Variants in ACACB observed in about 807,000 individuals in gnomAD.
The protein encoded by ACACB is acetyl-CoA carboxylase beta.
ACACB carries 209 observed loss-of-function variants against 278.8 expected under a neutral mutation model. That is an observed-to-expected ratio of 0.75 (90% CI 0.67 to 0.84). ACACB has a LOEUF of 0.84. Ranked by LOEUF, ACACB falls within the 40% of genes least tolerant of loss-of-function variation. The pLI, the probability that ACACB is intolerant of heterozygous loss-of-function variation, is 0.00. For missense variants in ACACB, 2,850 were observed against 3,269.0 expected, an observed-to-expected ratio of 0.87 and a Z score of 3.13; for synonymous variants, 1,174 against 1,285.6, an observed-to-expected ratio of 0.91 and a Z score of 1.86.
chr12:109,135,589 G>C (rs1465067083), intron 1 of ACACB, among the ~76,000 whole-genome samples: 2 of 151,774 alleles, frequency 1.3e-5, no homozygotes, highest in Non-Finnish European at 2.9e-5. Context: ...TCCAATGCTT[G>C]TGGTGTCATA....
chr12:109,199,377 C>T (rs760466069), intron 17 of ACACB, 25 bp from the exon 18 acceptor site: 7 of 1,453,698 alleles, frequency 4.8e-6, no homozygotes. Flanking sequence ...ATCAGTCTCC[C>T]TACCCGACTC....
chr12:109,241,741 G>C (rs556687814), intron 36 of ACACB: 10 of 177,914 alleles, frequency 5.6e-5, no homozygotes, highest in African/African-American at 1.6e-4. Flanking sequence ...TCCCAACCAT[G>C]TTCTAGGACA....
intron 6 of ACACB, 64 bp downstream of exon 6, chr12:109,172,420 G>A: frequency 1.3e-6 from 2 of 1,489,914 alleles, no homozygotes; most frequent in Non-Finnish European, 1.9e-6. Flanking sequence ...TGCTGGGTCT[G>A]ACCCTCTTTC....
intron 27 of ACACB, among the ~76,000 whole-genome samples, chr12:109,225,525 G>T (rs1055820347): frequency 4.6e-5 from 7 of 152,230 alleles, no homozygotes; most frequent in Non-Finnish European, 8.8e-5. Context: ...GTGCCACCAT[G>T]CCTGACCCCA....
At chr12:109,168,093 C>T (rs34285) in intron 4 of ACACB, 59 bp downstream of exon 4, 1,186,862 of 1,545,418 alleles carry the variant, frequency 0.77, 465,452 homozygotes, top group Non-Finnish European at 0.8. Flanking sequence ...CCCTCGCCTC[C>T]TTCCCCTGTG....
At chr12:109,160,058 C>G (rs957978000) in intron 2 of ACACB, among the ~76,000 whole-genome samples, 2 of 151,026 alleles carry the variant, frequency 1.3e-5, no homozygotes, top group African/African-American at 4.9e-5. Flanking sequence ...CCACTTCACT[C>G]CAGCCTGGGT....
intron 16 of ACACB, among the ~76,000 whole-genome samples, chr12:109,194,610 CTGTGTGTGTGTGTGTGTGTG>C (rs144545047): frequency 2.1e-5 from 2 of 95,318 alleles, no homozygotes; most frequent in Non-Finnish European, 5.1e-5. Flanking sequence ...GCCTCTGCCT[CTGTGTGTGTGTGTGTGTGTG>C]TGTGTGTGTG....
intron 1 of ACACB, among the ~76,000 whole-genome samples, chr12:109,133,631 C>T (rs1171486551): frequency 6.6e-6 from 1 of 151,846 alleles, no homozygotes; most frequent in Non-Finnish European, 1.5e-5. Flanking sequence ...TCTTATATCT[C>T]ACAATTTCAA....
chr12:109,132,217 T>A (rs1593371095), intron 1 of ACACB, among the ~76,000 whole-genome samples: 1 of 151,686 alleles, frequency 6.6e-6, no homozygotes, highest in African/African-American at 2.4e-5. Context: ...CAGGCTGGAG[T>A]GCAGTGGTAT....
chr12:109,228,411 C>T (rs2046377928), intron 28 of ACACB, among the ~76,000 whole-genome samples: 1 of 151,342 alleles, frequency 6.6e-6, no homozygotes, highest in East Asian at 2.0e-4. Flanking sequence ...CCTAGCACTT[C>T]GGAGGGCTGA....
At chr12:109,204,512 T>G (rs11065821) in intron 19 of ACACB, among the ~76,000 whole-genome samples, 2 of 151,284 alleles carry the variant, frequency 1.3e-5, no homozygotes, top group Non-Finnish European at 2.9e-5. Flanking sequence ...TGACCTCAGG[T>G]GATCCGCCCA....
At chr12:109,205,605 A>G (rs1463651122) in intron 19 of ACACB, among the ~76,000 whole-genome samples, 2 of 151,918 alleles carry the variant, frequency 1.3e-5, no homozygotes, top group Admixed American at 6.6e-5. Context: ...ACGCGCCACC[A>G]TGACTGGCTA....
At chr12:109,266,171 C>A in intron 52 of ACACB, 65 bp from the exon 53 acceptor site, 3 of 1,564,312 alleles carry the variant, frequency 1.9e-6, no homozygotes, top group Middle Eastern at 1.7e-4. Context: ...AAGGACTCTG[C>A]CACCCTTGGG....
intron 1 of ACACB, among the ~76,000 whole-genome samples, chr12:109,136,775 A>G (rs1293880896): frequency 6.6e-6 from 1 of 152,202 alleles, no homozygotes; most frequent in Non-Finnish European, 1.5e-5. Context: ...TTCTACATAT[A>G]GGACCATGTA....
intron 2 of ACACB, among the ~76,000 whole-genome samples, chr12:109,144,473 C>T (rs2043189588): frequency 6.6e-6 from 1 of 152,078 alleles, no homozygotes; most frequent in Admixed American, 6.6e-5. Flanking sequence ...ATACCTCTTC[C>T]CTGGTGTTCA....
At position 109,261,732 on chromosome 12, in the gene ACACB, A is replaced by G. The variant is rs149426535; in HGVS notation, c.6675-625A>G. Among the ~76,000 whole-genome samples, 345 of 152,030 alleles carry G rather than the reference A, an allele frequency of 2.3e-3. 4 individuals are homozygous for G. Among genetic ancestry groups the G allele is most frequent in the Admixed American group, 0.016 (242 of 15,276 alleles). On this transcript the variant is annotated intron_variant, in intron 48 of 52. Transcript: ENST00000338432. ...CTAAAAATACAAAAATTAGCTGGGCATGGTGGTACACGCCTGTAATCCAAG... is the reference window on the plus strand; with the variant it reads ...CTAAAAATACAAAAATTAGCTGGGCGTGGTGGTACACGCCTGTAATCCAAG...
At chr12:109,253,186 C>T in intron 43 of ACACB, 28 bp downstream of exon 43, 9 of 1,514,362 alleles carry the variant, frequency 5.9e-6, no homozygotes, top group Non-Finnish European at 8.0e-6. Context: ...CAGCTTAGAA[C>T]CTGGAAGACT....
In ACACB at chr12:109,174,158, T is replaced by C. The variant is rs1465476093; in HGVS notation, c.1144T>C (p.Leu382=). 3.7e-6 allele frequency: 6 copies of C among 1,612,678 alleles called. No homozygotes were observed. The East Asian group carries it at 1.1e-4, about 30-fold the overall frequency. ...LGPPSEAMWA[L]GDKIASTVVA... ...CCCTCCCAGTGAGGCCATGTGGGCC[T>C]TAGGAGATAAGATCGCCTCCACCGT... The change falls in exon 7 of 53, where the codon TTA becomes CTA. Residue 382 remains leucine (L), a synonymous_variant. Transcript: ENST00000338432.
intron 47 of ACACB, 112 bp from the exon 48 acceptor site, chr12:109,260,368 C>T: frequency 7.2e-7 from 1 of 1,380,428 alleles, no homozygotes; most frequent in Non-Finnish European, 1.0e-6. Flanking sequence ...CCAGTGCTCT[C>T]CAAGCCTCTC....
Sources: gnomAD v4.1 joint callset for allele counts (sites outside exome capture counted in the v4.1 genomes callset) on GRCh38, gnomAD v4.1.1 for gene constraint, MANE v1.5 for transcripts, NCBI Gene and HGNC (gene_info 2026-07-23, HGNC 2026-07-21) for gene names.